The following RAB37 variants were observed in gnomAD, a reference collection of about 807,000 sequenced individuals.
RAB37 encodes the protein RAB37, member RAS oncogene family.
Under a neutral mutation model 33.1 loss-of-function variants are expected in RAB37, and 29 were observed. The ratio of observed to expected loss-of-function variants is 0.88; its 90% CI spans 0.65 to 1.20. RAB37 has a LOEUF of 1.20. RAB37 is among the 50% of genes most tolerant of loss of function. The pLI is 0.00. For synonymous variants in RAB37, 128 were observed against 119.5 expected (o/e 1.07, Z -0.47); for missense variants, 299 against 301.1 (o/e 0.99, Z 0.05).
Position 74,671,518 on chromosome 17 carries a change from C to CCTG in RAB37, c.-69_-68insCTG. ...CAAGCCTGCCGCACCCAGCGGAGCTCGAACCGAGCTCCTGGAAGCGCTGAC... is the reference window on the plus strand; with the variant it reads ...CAAGCCTGCCGCACCCAGCGGAGCTCCTGGAACCGAGCTCCTGGAAGCGCTGAC... On this transcript the variant is annotated 5_prime_UTR_variant, in exon 1 of 8. Transcript: ENST00000340415. This position sits in a 1 kb window ranked among gnomAD's most constrained non-coding sequence, Gnocchi z 5.0. The CCTG allele has an allele frequency of 6.6e-7, 1 of 1,506,280 alleles. No homozygotes were observed. Among genetic ancestry groups the CCTG allele is most frequent in the Non-Finnish European group, 9.2e-7 (1 of 1,086,740 alleles). 93.3% of individuals were successfully genotyped at this position (1,506,280 alleles called of 1,614,324 possible). A position where few individuals can be genotyped will look rare whatever the true frequency, so the allele number is the denominator to read the frequency against.
chr17:74,728,498 T>C (rs2034335864), intron 1 of RAB37, among the ~76,000 whole-genome samples: 1 of 151,418 alleles, frequency 6.6e-6, no homozygotes. Flanking sequence ...GTACACGTTT[T>C]TGTGTCTGTG....
chr17:74,728,160 ATG>A (rs1275678791), intron 1 of RAB37, among the ~76,000 whole-genome samples: 3 of 147,690 alleles, frequency 2.0e-5, no homozygotes, highest in Non-Finnish European at 3.0e-5. Flanking sequence ...TTGTGTGCAC[ATG>A]TGTCTATGTC....
rs1022016973 is a variant in RAB37 at position 74,671,856 on chromosome 17, A to C, written c.72+198A>C. Among the ~76,000 whole-genome samples, 1 of 152,328 alleles carries C rather than the reference A, an allele frequency of 6.6e-6. No individual in the cohort carries two copies. Among genetic ancestry groups the C allele is most frequent in the Non-Finnish European group, 1.5e-5 (1 of 68,030 alleles). ...GCTCTTGGGGAAGGGCTGCCGCCAG[A>C]GGCTCAGATGGTCAGAAGCTTCATT... On this transcript the variant is annotated intron_variant, in intron 1 of 7. Coordinates refer to the RAB37 transcript ENST00000340415. The surrounding 1 kb of genome is among the most constrained non-coding windows in gnomAD (Gnocchi z 5.0).
chr17:74,735,018 GAAGAAAGAAAGA>G (rs562187740), upstream of RAB37, among the ~76,000 whole-genome samples: 3,748 of 82,306 alleles, frequency 0.046, 110 homozygotes, highest in East Asian at 0.075. Context: ...AGGAAGGAAG[GAAGAAAGAAAGA>G]AAGAAAGAAA....
chr17:74,699,466 T>C (rs2032837527), intron 1 of RAB37, among the ~76,000 whole-genome samples: 1 of 152,120 alleles, frequency 6.6e-6, no homozygotes, highest in Non-Finnish European at 1.5e-5. Flanking sequence ...TGGGCCCTGA[T>C]CCAGCGACTG....
chr17:74,723,575 C>CTTTT (rs35936012), intron 1 of RAB37, among the ~76,000 whole-genome samples: 31 of 133,196 alleles, frequency 2.3e-4, no homozygotes, highest in Admixed American at 1.4e-3. Flanking sequence ...AATTAACTAA[C>CTTTT]TTTTTTTTTT....
chr17:74,694,730 A>T (rs1333108565), intron 1 of RAB37: 1 of 170,384 alleles, frequency 5.9e-6, no homozygotes, highest in Non-Finnish European at 1.2e-5. Context: ...GGGGGCCATT[A>T]TTCAGCCCAT....
At position 74,745,114 on chromosome 17, in the gene RAB37, C is replaced by T. The variant is rs1555596100; in HGVS notation, c.566+30C>T. ...GAGCTGGGCAGGGAAGGGAAGTGTGCGGGGCAGGGCGGCACACTCCAGGAA... is the reference window on the plus strand; with the variant it reads ...GAGCTGGGCAGGGAAGGGAAGTGTGTGGGGCAGGGCGGCACACTCCAGGAA... On this transcript the variant is annotated intron_variant, in intron 8 of 8. Coordinates refer to ENST00000392613, the MANE Select transcript of RAB37 (RefSeq NM_001006638.3). This position sits in a 1 kb window ranked among gnomAD's most constrained non-coding sequence, Gnocchi z 4.5. 3.1e-6 allele frequency: 5 copies of T among 1,605,554 alleles called. No homozygotes were observed. Among genetic ancestry groups the T allele is most frequent in the South Asian group, 1.1e-5 (1 of 90,938 alleles).
At position 74,671,618 on chromosome 17, in the gene RAB37, G is replaced by A; in HGVS notation, c.32G>A (p.Gly11Glu). The change falls in exon 1 of 8, where the codon GGA (glycine) becomes GAA (glutamate). Residue 11 changes from glycine (G) to glutamate (E), a missense_variant. Physicochemically the swap from Gly to Glu is moderately conservative, Grantham distance 98. Coordinates refer to the RAB37 transcript ENST00000340415. This position sits in a 1 kb window ranked among gnomAD's most constrained non-coding sequence, Gnocchi z 5.0. ...CTGCAGAGACCCGATTCCTACCAGG[G>A]AGGAGCTGGCCCTGACTTCAACGAC... 5 of 1,614,230 alleles carry A rather than the reference G, an allele frequency of 3.1e-6. No homozygotes were observed. Among genetic ancestry groups the A allele is most frequent in the Non-Finnish European group, 4.2e-6 (5 of 1,180,038 alleles).
At chr17:74,735,039 AAGAAAGAAAGAAAGAAAGAAAG>A (rs1237671831), upstream of RAB37, among the ~76,000 whole-genome samples, 6 of 145,740 alleles carry the variant, frequency 4.1e-5, no homozygotes, top group Admixed American at 6.8e-5. Context: ...GAAAGAAAGA[AAGAAAGAAAGAAAGAAAGAAAG>A]AGAAAGAAAG....
upstream of RAB37, chr17:74,736,881 G>A (rs910677477): frequency 6.7e-7 from 1 of 1,496,804 alleles, no homozygotes; most frequent in Non-Finnish European, 8.9e-7. Flanking sequence ...CCCACGGCCC[G>A]GGGCTCGGGC....
upstream of RAB37, chr17:74,737,204 C>CGGGGGGGGGGGGGG: frequency 3.0e-6 from 1 of 330,780 alleles, no homozygotes; most frequent in Non-Finnish European, 5.3e-6. Context: ...GTGGGCGGGG[C>CGGGGGGGGGGGGGG]GGGGGTGGGG....
At chr17:74,725,624 G>A (rs1248520845) in intron 1 of RAB37, among the ~76,000 whole-genome samples, 7 of 151,422 alleles carry the variant, frequency 4.6e-5, no homozygotes, top group Non-Finnish European at 1.5e-5. Flanking sequence ...GTCATTATCA[G>A]TAGATTTTTT....
chr17:74,686,501 C>T (rs965078604), intron 1 of RAB37, among the ~76,000 whole-genome samples: 1 of 152,140 alleles, frequency 6.6e-6, no homozygotes, highest in Admixed American at 6.6e-5. Context: ...AGTGATTCTC[C>T]TGCCTCAGCC....
chr17:74,687,942 ACTGT>A (rs1567776582), intron 1 of RAB37, among the ~76,000 whole-genome samples: 2 of 152,220 alleles, frequency 1.3e-5, no homozygotes, highest in South Asian at 2.1e-4. Flanking sequence ...CTTAGGAAAT[ACTGT>A]CTATTATCCT....
upstream of RAB37, among the ~76,000 whole-genome samples, chr17:74,735,697 T>A (rs2061949084): frequency 6.6e-6 from 1 of 152,212 alleles, no homozygotes; most frequent in African/African-American, 2.4e-5. Flanking sequence ...GCTGAGGTTA[T>A]AGCACGCTCA....
chr17:74,672,700 A>G (rs1251164886), intron 1 of RAB37: 1 of 152,248 alleles, frequency 6.6e-6, no homozygotes, highest in Non-Finnish European at 1.5e-5. Context: ...TTTCCTCTAT[A>G]TCCTTACTAA....
chr17:74,740,884 G>A lies in RAB37; in HGVS notation c.204+6G>A, dbSNP rs376132309. The A allele has an allele frequency of 1.9e-6, 3 of 1,594,784 alleles. No homozygotes were observed. Among genetic ancestry groups the A allele is most frequent in the Non-Finnish European group, 2.6e-6 (3 of 1,162,582 alleles). On this transcript the variant is annotated splice_donor_region_variant and intron_variant, in intron 2 of 8. Transcript: ENST00000392613. ...CCGTCGGCATAGACTTCAGGGTGAGGTGGCTGCAGGCACTTGCTTCCAGCA... is the reference window on the plus strand; with the variant it reads ...CCGTCGGCATAGACTTCAGGGTGAGATGGCTGCAGGCACTTGCTTCCAGCA...
At chr17:74,741,040 TCA>T (rs2034602933) in intron 2 of RAB37, among the ~76,000 whole-genome samples, 162 bp downstream of exon 2, 1 of 151,372 alleles carries the variant, frequency 6.6e-6, no homozygotes, top group African/African-American at 2.4e-5. Flanking sequence ...GGTGGCCGGG[TCA>T]AAGGAGACTG....
Sources: gnomAD v4.1 joint callset for allele counts (sites outside exome capture counted in the v4.1 genomes callset) on GRCh38, gnomAD v4.1.1 for gene constraint, Gnocchi (gnomAD v3.1) non-coding constraint, MANE v1.5 for transcripts, NCBI Gene and HGNC (gene_info 2026-07-23, HGNC 2026-07-21) for gene names.